KCNQ5: variants seen among roughly 807,000 people sequenced by gnomAD.
KCNQ5 encodes the protein potassium voltage-gated channel subfamily Q member 5.
KCNQ5 carries 30 observed loss-of-function variants against 98.2 expected under a neutral mutation model. The ratio of observed to expected loss-of-function variants is 0.31; its 90% CI spans 0.23 to 0.41. The LOEUF (loss-of-function observed/expected upper bound fraction) is 0.41. Among genes scored for constraint, KCNQ5 ranks in the 10% least tolerant of loss-of-function variants. The pLI is 1.00. For synonymous variants in KCNQ5, 458 were observed against 449.4 expected (o/e 1.02, Z -0.24); for missense variants, 835 against 1,182.5 (o/e 0.71, Z 4.31).
At chr6:72,751,073 A>G (rs1184204051) in intron 1 of KCNQ5, among the ~76,000 whole-genome samples, 1 of 152,088 alleles carries the variant, frequency 6.6e-6, no homozygotes, top group Admixed American at 6.6e-5. Flanking sequence ...GGCTAAAGAG[A>G]AAAATCTATC....
At chr6:72,927,550 C>G (rs1765482829) in intron 1 of KCNQ5, among the ~76,000 whole-genome samples, 1 of 151,846 alleles carries the variant, frequency 6.6e-6, no homozygotes, top group Admixed American at 6.6e-5. Context: ...CAGTGTCTCA[C>G]AACAGAATCA....
In KCNQ5 at chr6:72,663,140, G is replaced by A. The variant is rs778213021; in HGVS notation, c.398+40553G>A. Among the ~76,000 whole-genome samples, 141 of 152,190 alleles carry A rather than the reference G, an allele frequency of 9.3e-4. 1 individual carries two copies. Among genetic ancestry groups the A allele is most frequent in the Middle Eastern group, 6.8e-3 (2 of 294 alleles). ...CATTACACACCGGGGACTGTCAGGG[G>A]GTTGGGGGCTAGGGAAGGGATAGCA... is the stretch of plus-strand genomic sequence containing the variant. On this transcript the variant is annotated intron_variant, in intron 1 of 13. Transcript: ENST00000370398.
chr6:72,895,074 C>T (rs531533221), intron 1 of KCNQ5, among the ~76,000 whole-genome samples: 9 of 138,610 alleles, frequency 6.5e-5, no homozygotes, highest in African/African-American at 2.2e-4. Flanking sequence ...GTCAGGAGAT[C>T]GAGACCATCC....
intron 9 of KCNQ5, 48 bp downstream of exon 9, chr6:73,124,560 T>C (rs770093981): frequency 6.4e-7 from 1 of 1,554,106 alleles, no homozygotes; most frequent in Non-Finnish European, 8.9e-7. Flanking sequence ...ATCTGATACC[T>C]ACCAGGTGTT....
chr6:72,769,805 G>T (rs1772763995), intron 1 of KCNQ5, among the ~76,000 whole-genome samples: 1 of 152,036 alleles, frequency 6.6e-6, no homozygotes, highest in Non-Finnish European at 1.5e-5. Flanking sequence ...CTTTTCTCTT[G>T]GTTTGTTTCA....
rs74565279 is a variant in KCNQ5, at chr6:72,702,112, C to T, written c.398+79525C>T. On this transcript the variant is annotated intron_variant, in intron 1 of 13. Transcript: ENST00000370398. ...CTAAATTGTTACATTCTTTCCACAG[C>T]ACAATAGAATTACAGAATAATTCAA... Among the ~76,000 whole-genome samples the T allele has an allele frequency of 3.8e-3, 573 of 152,278 alleles. 2 individuals carry two copies. The highest frequency in any genetic ancestry group is 6.2e-3 in the Non-Finnish European group (422 of 68,030).
At chr6:72,759,062 T>A (rs1021599399) in intron 1 of KCNQ5, among the ~76,000 whole-genome samples, 3 of 152,184 alleles carry the variant, frequency 2.0e-5, no homozygotes, top group African/African-American at 7.2e-5. Context: ...ACAAAAAACC[T>A]TGAAGTCAAA....
At chr6:73,092,871 TC>T (rs1238442378) in intron 5 of KCNQ5, among the ~76,000 whole-genome samples, 2 of 152,224 alleles carry the variant, frequency 1.3e-5, no homozygotes, top group Non-Finnish European at 2.9e-5. Context: ...TCTGTAGTTT[TC>T]TTTTTTGATT....
chr6:72,957,894 A>G (rs1394004307), intron 1 of KCNQ5, among the ~76,000 whole-genome samples: 1 of 152,102 alleles, frequency 6.6e-6, no homozygotes, highest in East Asian at 1.9e-4. Context: ...GGTCTTTTCA[A>G]TGTTTTCTAT....
intron 1 of KCNQ5, among the ~76,000 whole-genome samples, chr6:72,774,505 G>A (rs1050988603): frequency 6.6e-6 from 1 of 152,028 alleles, no homozygotes; most frequent in Non-Finnish European, 1.5e-5. Context: ...TTAAAAATGT[G>A]TTTATCAAAA....
intron 1 of KCNQ5, among the ~76,000 whole-genome samples, chr6:72,853,126 C>G (rs538703211): frequency 6.6e-6 from 1 of 152,244 alleles, no homozygotes; most frequent in Admixed American, 6.5e-5. Flanking sequence ...TCCTTTATAT[C>G]AATTTATCCC....
Position 72,961,177 on chromosome 6 carries a change from AAT to A in KCNQ5, c.399-42727_399-42726del, listed in dbSNP as rs566695590. Among the ~76,000 whole-genome samples the A allele has an allele frequency of 1.5e-3, 236 of 152,354 alleles. 3 individuals carry two copies. The highest frequency in any genetic ancestry group is 5.5e-3 in the African/African-American group (227 of 41,580). ...ATGAAATTTAAGAAACTGAAAAGTA[AAT>A]ATAATGTGGACCCTCATTATATACT... On this transcript the variant is annotated intron_variant, in intron 1 of 13. Coordinates refer to ENST00000370398, the MANE Select transcript of KCNQ5 (RefSeq NM_019842.4).
chr6:72,976,750 A>T (rs1367581115), intron 1 of KCNQ5, among the ~76,000 whole-genome samples: 1 of 152,186 alleles, frequency 6.6e-6, no homozygotes, highest in East Asian at 1.9e-4. Flanking sequence ...CAGCTTCACA[A>T]TATTACCCAT....
In KCNQ5 at chr6:72,653,134, G is replaced by A. The variant is rs182699738; in HGVS notation, c.398+30547G>A. On this transcript the variant is annotated intron_variant, in intron 1 of 13. Transcript: ENST00000370398. ...AAAGAGACCTCTCCCTTGGATTTTCGTTATAATATGTTTCACTTGCCACAT... is the reference window on the plus strand; with the variant it reads ...AAAGAGACCTCTCCCTTGGATTTTCATTATAATATGTTTCACTTGCCACAT... 1.2e-3 allele frequency among the ~76,000 whole-genome samples: 187 copies of A among 151,666 alleles called. 1 individual carries two copies. Among genetic ancestry groups the A allele is most frequent in the African/African-American group, 3.9e-3 (163 of 41,412 alleles).
chr6:73,127,042 G>T (rs981244852), intron 9 of KCNQ5, among the ~76,000 whole-genome samples: 5 of 152,192 alleles, frequency 3.3e-5, no homozygotes, highest in Non-Finnish European at 1.5e-5. Context: ...CTTTCACCTT[G>T]TTGTGCTCCA....
chr6:73,138,451 A>G (rs996295661), intron 10 of KCNQ5, among the ~76,000 whole-genome samples: 16 of 152,212 alleles, frequency 1.1e-4, no homozygotes, highest in African/African-American at 3.9e-4. Flanking sequence ...TAACCTGGAC[A>G]GTGAAGGAGA....
intron 1 of KCNQ5, among the ~76,000 whole-genome samples, chr6:72,735,884 G>C (rs559093149): frequency 6.6e-6 from 1 of 152,000 alleles, no homozygotes; most frequent in African/African-American, 2.4e-5. Context: ...AAATAAATTT[G>C]AAAAACTACT....
At position 73,122,525 on chromosome 6, in the gene KCNQ5, C is replaced by T. The variant is rs1054797636; in HGVS notation, c.1220+1948C>T. Among the ~76,000 whole-genome samples, 9 of 152,248 alleles carry T rather than the reference C, an allele frequency of 5.9e-5. 1 individual carries two copies. The highest frequency in any genetic ancestry group is 2.0e-4 in the Admixed American group (3 of 15,282). ...CCTACTGTGCCTTTCCCTCACTTTC[C>T]TTTTCCTGCAAACTCATGAACCATG... is the stretch of plus-strand genomic sequence containing the variant. On this transcript the variant is annotated intron_variant, in intron 8 of 13. Transcript: ENST00000370398.
At chr6:73,080,047 A>C (rs1302233858) in intron 5 of KCNQ5, among the ~76,000 whole-genome samples, 2 of 152,122 alleles carry the variant, frequency 1.3e-5, no homozygotes, top group East Asian at 1.9e-4. Context: ...TCTTTTTATT[A>C]GTCTTCCATT....
Sources: allele counts gnomAD v4.1 joint callset (sites outside exome capture counted in the v4.1 genomes callset), GRCh38; gene constraint gnomAD v4.1.1; transcripts MANE v1.5; gene names NCBI Gene and HGNC (gene_info 2026-07-23, HGNC 2026-07-21).